ADAMTS17: variants seen among roughly 807,000 people sequenced by gnomAD.
The protein encoded by ADAMTS17 is ADAM metallopeptidase with thrombospondin type 1 motif 17.
Under a neutral mutation model 141.5 loss-of-function variants are expected in ADAMTS17, and 113 were observed. The ratio of observed to expected loss-of-function variants is 0.80; its 90% CI spans 0.69 to 0.93. The LOEUF (loss-of-function observed/expected upper bound fraction) is 0.93. Among genes scored for constraint, ADAMTS17 ranks in the 40% least tolerant of loss-of-function variants. ADAMTS17 has a pLI of 0.00. For missense variants in ADAMTS17, 1,659 were observed against 1,517.9 expected (o/e 1.09, Z -1.54); for synonymous variants, 768 against 630.6 (o/e 1.22, Z -3.27).
chr15:100,265,518 T>A (rs1596395120), intron 4 of ADAMTS17, among the ~76,000 whole-genome samples: 1 of 152,132 alleles, frequency 6.6e-6, no homozygotes, highest in African/African-American at 2.4e-5. Flanking sequence ...CCTAGCAGGG[T>A]GGACCTGCCG....
intron 7 of ADAMTS17, among the ~76,000 whole-genome samples, chr15:100,246,558 TGTAACCTTCTCA>T (rs895185615): frequency 5.9e-5 from 9 of 152,302 alleles, no homozygotes; most frequent in Non-Finnish European, 1.3e-4. Context: ...CCTTCCCCTT[TGTAACCTTCTCA>T]GAGTAGACAC....
At chr15:100,240,035 G>A (rs1261537926) in intron 7 of ADAMTS17, among the ~76,000 whole-genome samples, 1 of 152,210 alleles carries the variant, frequency 6.6e-6, no homozygotes, top group Non-Finnish European at 1.5e-5. Context: ...AATCCAGGCT[G>A]TGCGGCAGAT....
chr15:99,998,335 G>A (rs1395950929), intron 18 of ADAMTS17, among the ~76,000 whole-genome samples: 2 of 152,224 alleles, frequency 1.3e-5, no homozygotes, highest in Non-Finnish European at 2.9e-5. Context: ...CTGGGCGGTG[G>A]CTGACGCCTG....
chr15:100,254,782 G>C (rs1367256300), intron 6 of ADAMTS17, among the ~76,000 whole-genome samples: 1 of 152,164 alleles, frequency 6.6e-6, no homozygotes, highest in African/African-American at 2.4e-5. Context: ...CTTGTAAGTG[G>C]GAGCTGAATG....
intron 3 of ADAMTS17, among the ~76,000 whole-genome samples, chr15:100,324,013 T>C (rs2045818409): frequency 7.3e-6 from 1 of 137,574 alleles, no homozygotes; most frequent in Non-Finnish European, 1.6e-5. Context: ...TCCGTAAACG[T>C]TCCTTTCTCT....
At chr15:100,250,584 G>A (rs974903123) in intron 7 of ADAMTS17, among the ~76,000 whole-genome samples, 3 of 152,216 alleles carry the variant, frequency 2.0e-5, no homozygotes, top group Admixed American at 1.3e-4. Context: ...GAGGCAGTCC[G>A]AGGGGGCATC....
intron 7 of ADAMTS17, among the ~76,000 whole-genome samples, chr15:100,204,498 A>T (rs2141669212): frequency 6.6e-6 from 1 of 152,360 alleles, no homozygotes; most frequent in African/African-American, 2.4e-5. Context: ...ACCTAAGTGG[A>T]TGTGGGTGTG....
At chr15:100,243,278 C>G (rs1403622415) in intron 7 of ADAMTS17, among the ~76,000 whole-genome samples, 7 of 152,208 alleles carry the variant, frequency 4.6e-5, no homozygotes, top group Admixed American at 3.3e-4. Context: ...GTAAATAGTG[C>G]TGCTATGAAG....
rs187219341 is a variant in ADAMTS17 at position 100,210,179 on chromosome 15, C to T, written c.1076-10756G>A. On this transcript the variant is annotated intron_variant, in intron 7 of 21. Coordinates refer to ENST00000268070, the MANE Select transcript of ADAMTS17 (RefSeq NM_139057.4). ...CTGGGAGGAGGAGCTTGCAGTGAGC[C>T]GAGATCGTGCCACTGCACTCCAGCC... Among the ~76,000 whole-genome samples the T allele has an allele frequency of 7.8e-3, 1,095 of 139,608 alleles. 15 individuals are homozygous for T. Among genetic ancestry groups the T allele is most frequent in the African/African-American group, 0.021 (771 of 36,706 alleles). 91.6% of individuals were successfully genotyped at this position (139,608 alleles called of 152,430 possible).
intron 8 of ADAMTS17, among the ~76,000 whole-genome samples, chr15:100,166,754 G>A (rs1237069457): frequency 2.0e-5 from 3 of 152,216 alleles, no homozygotes; most frequent in Non-Finnish European, 2.9e-5. Flanking sequence ...CAATCTAGAA[G>A]GGAATAACTT....
At chr15:100,307,104 G>C (rs1360017517) in intron 3 of ADAMTS17, among the ~76,000 whole-genome samples, 1 of 152,196 alleles carries the variant, frequency 6.6e-6, no homozygotes, top group Non-Finnish European at 1.5e-5. Flanking sequence ...GGCTTCTAGA[G>C]TTTTGCCCCA....
intron 7 of ADAMTS17, among the ~76,000 whole-genome samples, chr15:100,243,642 T>C (rs1335901939): frequency 1.3e-5 from 2 of 152,036 alleles, no homozygotes; most frequent in Non-Finnish European, 2.9e-5. Context: ...ATACAAAAAT[T>C]AGCCAGGCGT....
intron 15 of ADAMTS17, among the ~76,000 whole-genome samples, chr15:100,076,007 G>C (rs2034347721): frequency 6.6e-6 from 1 of 151,968 alleles, no homozygotes; most frequent in Admixed American, 6.6e-5. Context: ...TTTCTTTCTT[G>C]AGGTTTTGTA....
At chr15:100,059,891 A>C (rs2032982010) in intron 15 of ADAMTS17, among the ~76,000 whole-genome samples, 1 of 152,174 alleles carries the variant, frequency 6.6e-6, no homozygotes. Context: ...CAACCTTCCA[A>C]ATTAAATACA....
intron 7 of ADAMTS17, among the ~76,000 whole-genome samples, chr15:100,234,050 T>C (rs914565981): frequency 3.3e-5 from 5 of 152,036 alleles, no homozygotes; most frequent in Non-Finnish European, 5.9e-5. Flanking sequence ...AAGAAAAAAC[T>C]GTTGAAGAGG....
intron 18 of ADAMTS17, among the ~76,000 whole-genome samples, chr15:100,040,820 T>C (rs2031183590): frequency 6.6e-6 from 1 of 152,174 alleles, no homozygotes; most frequent in Admixed American, 6.5e-5. Flanking sequence ...TCAGAAAAAG[T>C]TCCAGCATCT....
At chr15:100,305,387 G>A (rs2045188132) in intron 3 of ADAMTS17, among the ~76,000 whole-genome samples, 1 of 152,310 alleles carries the variant, frequency 6.6e-6, no homozygotes, top group South Asian at 2.1e-4. Flanking sequence ...CCGTCTCAAA[G>A]GCTGTGGTAT....
intron 15 of ADAMTS17, among the ~76,000 whole-genome samples, chr15:100,064,487 C>T (rs1358051193): frequency 6.6e-6 from 1 of 152,192 alleles, no homozygotes; most frequent in Non-Finnish European, 1.5e-5. Context: ...CATTCATCTG[C>T]TGGAGGGCCT....
chr15:100,116,681 A>G (rs1482710536), intron 13 of ADAMTS17, among the ~76,000 whole-genome samples, 166 bp downstream of exon 13: 4 of 152,234 alleles, frequency 2.6e-5, no homozygotes, highest in Non-Finnish European at 5.9e-5. Context: ...ATTCAAGGTC[A>G]ACCCCACAAC....
Sources: allele counts gnomAD v4.1 joint callset (sites outside exome capture counted in the v4.1 genomes callset), GRCh38; gene constraint gnomAD v4.1.1; transcripts MANE v1.5; gene names NCBI Gene and HGNC (gene_info 2026-07-23, HGNC 2026-07-21).